The following MYRIP variants were observed in gnomAD, a reference collection of about 807,000 sequenced individuals.
MYRIP encodes the protein myosin VIIA and Rab interacting protein.
Under a neutral mutation model 98.0 loss-of-function variants are expected in MYRIP, and 49 were observed. That is an observed-to-expected ratio of 0.50 (90% confidence interval 0.40 to 0.63). MYRIP has a LOEUF of 0.63. Ranked by LOEUF, MYRIP falls within the 30% of genes least tolerant of loss-of-function variation. MYRIP has a pLI of 0.00. For missense variants in MYRIP, 1,004 were observed against 1,058.2 expected, an observed-to-expected ratio of 0.95 and a Z score of 0.71; for synonymous variants, 404 against 409.5, an observed-to-expected ratio of 0.99 and a Z score of 0.16.
intron 12 of MYRIP, 43 bp from the exon 13 acceptor site, chr3:40,244,403 C>A: frequency 6.4e-7 from 1 of 1,558,062 alleles, no homozygotes; most frequent in South Asian, 1.2e-5. Flanking sequence ...CAACCAGTCC[C>A]AAGTCTGCAG....
At chr3:40,080,791 CT>C (rs34610302) in intron 3 of MYRIP, among the ~76,000 whole-genome samples, 17,326 of 88,278 alleles carry the variant, frequency 0.2, 385 homozygotes, top group Non-Finnish European at 0.24. Context: ...ATCCTAACTT[CT>C]TTTTTTTTTT....
intron 2 of MYRIP, among the ~76,000 whole-genome samples, chr3:40,027,068 C>T (rs901557119): frequency 1.3e-5 from 2 of 152,148 alleles, no homozygotes; most frequent in Non-Finnish European, 2.9e-5. Flanking sequence ...AACCCACATC[C>T]AGGTGTCCTC....
At chr3:40,155,036 A>C (rs1950195399) in intron 4 of MYRIP, among the ~76,000 whole-genome samples, 1 of 151,920 alleles carries the variant, frequency 6.6e-6, no homozygotes, top group Non-Finnish European at 1.5e-5. Flanking sequence ...ACATGTACAC[A>C]ATGTGCAGGT....
At chr3:39,995,235 C>T (rs1475935806) in intron 2 of MYRIP, among the ~76,000 whole-genome samples, 1 of 152,040 alleles carries the variant, frequency 6.6e-6, no homozygotes, top group Non-Finnish European at 1.5e-5. Context: ...GATCAAAGTA[C>T]TCCGAGCTAA....
chr3:40,201,814 C>T lies in MYRIP; in HGVS notation c.1666-8040C>T, dbSNP rs1321159022. Among the ~76,000 whole-genome samples, 6 of 152,266 alleles carry T rather than the reference C, an allele frequency of 3.9e-5. No homozygotes were observed. The South Asian group carries it at 8.3e-4, about 21-fold the overall frequency. On this transcript the variant is annotated intron_variant, in intron 10 of 16. Transcript: ENST00000302541. ...ACACCAATTATGAGGAAAACAAATG[C>T]CTTATTCACAGCATGTGAATAAAAC...
intron 1 of MYRIP, among the ~76,000 whole-genome samples, chr3:39,874,636 A>C (rs1197042602): frequency 6.6e-6 from 1 of 152,130 alleles, no homozygotes; most frequent in Non-Finnish European, 1.5e-5. Context: ...TATATGCTGG[A>C]TTACATTTAT....
intron 1 of MYRIP, among the ~76,000 whole-genome samples, chr3:39,845,552 T>G (rs1167795330): frequency 6.6e-6 from 1 of 152,202 alleles, no homozygotes; most frequent in Non-Finnish European, 1.5e-5. Flanking sequence ...TTGGGCACTT[T>G]GCGTATCTTA....
At chr3:39,963,193 T>C (rs528034633) in intron 2 of MYRIP, among the ~76,000 whole-genome samples, 25 of 152,240 alleles carry the variant, frequency 1.6e-4, no homozygotes, top group Admixed American at 1.4e-3. Context: ...AAATGGGCAA[T>C]GCTTACCTGA....
intron 1 of MYRIP, among the ~76,000 whole-genome samples, chr3:39,813,367 A>G (rs1940766827): frequency 6.6e-6 from 1 of 152,186 alleles, no homozygotes; most frequent in African/African-American, 2.4e-5. Flanking sequence ...TTTTATTGTC[A>G]GCACGACTGA....
chr3:39,845,290 T>G (rs1311191912), intron 1 of MYRIP, among the ~76,000 whole-genome samples: 2 of 152,190 alleles, frequency 1.3e-5, no homozygotes, highest in Admixed American at 6.5e-5. Flanking sequence ...TGGGCACAGA[T>G]GTATGCCCTT....
chr3:40,011,353 G>A (rs1299106479), intron 2 of MYRIP, among the ~76,000 whole-genome samples: 1 of 152,156 alleles, frequency 6.6e-6, no homozygotes, highest in Admixed American at 6.5e-5. Flanking sequence ...GGGAGGAAGG[G>A]TACTTCCCTT....
intron 1 of MYRIP, among the ~76,000 whole-genome samples, chr3:39,871,682 A>C (rs1272271707): frequency 6.6e-6 from 1 of 152,146 alleles, no homozygotes; most frequent in African/African-American, 2.4e-5. Context: ...GATAGCTACT[A>C]TCATTATTAT....
chr3:40,188,651 C>A (rs1187088042), intron 9 of MYRIP, among the ~76,000 whole-genome samples: 2 of 152,128 alleles, frequency 1.3e-5, no homozygotes, highest in East Asian at 3.9e-4. Context: ...GTGGTGTGCA[C>A]CTGTAATCCC....
intron 2 of MYRIP, among the ~76,000 whole-genome samples, chr3:39,955,785 C>A (rs1945141181): frequency 6.6e-6 from 1 of 152,092 alleles, no homozygotes; most frequent in South Asian, 2.1e-4. Context: ...GGAAACCCAT[C>A]TCACATGCAG....
chr3:40,167,088 C>G, intron 6 of MYRIP, 71 bp from the exon 7 acceptor site: 3 of 1,499,810 alleles, frequency 2.0e-6, no homozygotes, highest in Non-Finnish European at 2.8e-6. Flanking sequence ...GGTCAGGACT[C>G]TCCTGGCAAA....
chr3:40,055,711 C>A, intron 3 of MYRIP, among the ~76,000 whole-genome samples: 1 of 152,104 alleles, frequency 6.6e-6, no homozygotes, highest in African/African-American at 2.4e-5. Context: ...TTACTGTTTT[C>A]ATATGTTTTG....
intron 3 of MYRIP, among the ~76,000 whole-genome samples, chr3:40,084,680 A>ATATG (rs1218720488): frequency 6.7e-6 from 1 of 148,182 alleles, no homozygotes; most frequent in African/African-American, 2.5e-5. Flanking sequence ...TCGATAGATA[A>ATATG]TATCTATGTA....
At chr3:39,865,613 A>T (rs1405632494) in intron 1 of MYRIP, among the ~76,000 whole-genome samples, 2 of 152,178 alleles carry the variant, frequency 1.3e-5, no homozygotes, top group African/African-American at 4.8e-5. Context: ...TGCACATCAA[A>T]ACTGCAATGA....
chr3:40,098,332 T>G (rs1948870472), intron 3 of MYRIP, among the ~76,000 whole-genome samples: 1 of 152,226 alleles, frequency 6.6e-6, no homozygotes, highest in Non-Finnish European at 1.5e-5. Context: ...TATGAACCCA[T>G]TTGTAATGCA....
Sources: allele counts gnomAD v4.1 joint callset (sites outside exome capture counted in the v4.1 genomes callset), GRCh38; gene constraint gnomAD v4.1.1; transcripts MANE v1.5; gene names NCBI Gene and HGNC (gene_info 2026-07-23, HGNC 2026-07-21).